CKLF: variants seen among roughly 807,000 people sequenced by gnomAD.
CKLF encodes chemokine-like factor.
Under a neutral mutation model 12.9 loss-of-function variants are expected in CKLF, and 16 were observed. The ratio of observed to expected loss-of-function variants is 1.24; its 90% CI spans 0.84 to 1.88. CKLF has a LOEUF of 1.88. CKLF is among the 40% of genes most tolerant of loss of function. The pLI, the probability that CKLF is intolerant of heterozygous loss-of-function variation, is 0.00. For synonymous variants in CKLF, 61 were observed against 69.0 expected (o/e 0.88, Z 0.57); for missense variants, 172 against 188.5 (o/e 0.91, Z 0.51).
chr16:66,563,357 A>G (rs1179860816), intron 3 of CKLF, 140 bp downstream of exon 3: 1 of 997,086 alleles, frequency 1.0e-6, no homozygotes, highest in Non-Finnish European at 1.4e-6. Flanking sequence ...TAGTGGCTTA[A>G]TATTTTTGTC....
intron 3 of CKLF, 194 bp from the exon 4 acceptor site, chr16:66,565,692 G>A (rs1038762537): frequency 1.7e-6 from 1 of 601,134 alleles, no homozygotes; most frequent in Non-Finnish European, 3.0e-6. Context: ...CTATAGGCAA[G>A]TATTTAGAAA....
At chr16:66,564,539 C>T (rs2012020777) in intron 3 of CKLF, among the ~76,000 whole-genome samples, 1 of 150,910 alleles carries the variant, frequency 6.6e-6, no homozygotes, top group South Asian at 2.1e-4. Context: ...GGTGCTATCT[C>T]AGCTCACTGC....
chr16:66,565,145 T>C (rs991982078), intron 3 of CKLF, among the ~76,000 whole-genome samples: 1 of 152,074 alleles, frequency 6.6e-6, no homozygotes, highest in African/African-American at 2.4e-5. Context: ...GGCTTGAGAC[T>C]CTGGGTGGAA....
At chr16:66,561,612 T>C (rs2011726136) in intron 2 of CKLF, among the ~76,000 whole-genome samples, 1 of 152,170 alleles carries the variant, frequency 6.6e-6, no homozygotes, top group South Asian at 2.1e-4. Flanking sequence ...TCTGTTGCCT[T>C]TTGAAGCAGA....
chr16:66,566,230 C>T (rs998526980), downstream of CKLF: 2 of 1,484,186 alleles, frequency 1.3e-6, no homozygotes, highest in Admixed American at 5.1e-5. The surrounding 1 kb of genome is among the most constrained non-coding windows in gnomAD (Gnocchi z 4.9). Context: ...AAGAATGTGC[C>T]GGGATCCGCC....
chr16:66,556,208 A>G (rs571960246), intron 1 of CKLF, among the ~76,000 whole-genome samples: 2 of 152,268 alleles, frequency 1.3e-5, no homozygotes, highest in East Asian at 1.9e-4. Flanking sequence ...CACGGGAGCC[A>G]AAAGAAAACA....
At chr16:66,557,457 C>G (rs1421200360) in intron 1 of CKLF, among the ~76,000 whole-genome samples, 2 of 152,072 alleles carry the variant, frequency 1.3e-5, no homozygotes, top group Non-Finnish European at 2.9e-5. Context: ...CATGAGCCAC[C>G]GCGCCCACCC....
chr16:66,561,700 CTAAGTA>C, intron 2 of CKLF, among the ~76,000 whole-genome samples: 1 of 152,222 alleles, frequency 6.6e-6, no homozygotes, highest in South Asian at 2.1e-4. Flanking sequence ...TTTTTTCTTC[CTAAGTA>C]TATCTGATCT....
chr16:66,563,277 G>A, intron 3 of CKLF, 60 bp downstream of exon 3: 1 of 1,581,026 alleles, frequency 6.3e-7, no homozygotes, highest in Non-Finnish European at 8.7e-7. Flanking sequence ...AATTTACTTG[G>A]AAAACAGATG....
At chr16:66,554,566 G>A (rs2011339623) in intron 1 of CKLF, among the ~76,000 whole-genome samples, 1 of 152,250 alleles carries the variant, frequency 6.6e-6, no homozygotes, top group Admixed American at 6.5e-5. Context: ...TTATTGGGAT[G>A]GGAGGGCAGG....
intron 2 of CKLF, among the ~76,000 whole-genome samples, chr16:66,562,911 G>A (rs564021853): frequency 1.1e-4 from 16 of 152,074 alleles, no homozygotes; most frequent in Admixed American, 9.2e-4. Flanking sequence ...TAGTAGAGAC[G>A]GGGTTTCACC....
chr16:66,565,991 GA>G lies in CKLF; in HGVS notation c.447del (p.Glu150LysfsTer?), dbSNP rs754415052. 2 of 1,610,546 alleles carry G rather than the reference GA, an allele frequency of 1.2e-6. No individual in the cohort carries two copies. Among genetic ancestry groups the G allele is most frequent in the Middle Eastern group, 1.7e-4 (1 of 6,032 alleles). On this transcript the variant is annotated frameshift_variant, in exon 4 of 4. Coordinates refer to ENST00000264001, the MANE Select transcript of CKLF (RefSeq NM_016951.4). LOFTEE classifies it low-confidence loss of function (END_TRUNC). Reference protein sequence around the residue: ...SGPYQKKPVHEKKEVL With the variant: ...SGPYQKKPVHXKKEVL ...TCCTTACCAGAAAAAGCCTGTGCAT[GA>G]AAAAAAAGAAGTTTTGTAATTTTAT...
At chr16:66,566,149 A>G (rs1273233034), downstream of CKLF, 16 of 1,595,692 alleles carry the variant, frequency 1.0e-5, no homozygotes, top group African/African-American at 2.0e-4. The surrounding 1 kb of genome is among the most constrained non-coding windows in gnomAD (Gnocchi z 4.9). Context: ...GCAGAGCACT[A>G]CTGTAACTTC....
intron 2 of CKLF, among the ~76,000 whole-genome samples, chr16:66,561,727 C>G (rs1045952071): frequency 6.6e-6 from 1 of 152,170 alleles, no homozygotes; most frequent in Non-Finnish European, 1.5e-5. Flanking sequence ...TGCCCTACCC[C>G]CATTGAACCT....
chr16:66,566,082 G>GTTAT (rs755977185), downstream of CKLF: 1 of 1,612,050 alleles, frequency 6.2e-7, no homozygotes, highest in Non-Finnish European at 8.5e-7. The surrounding 1 kb of genome is among the most constrained non-coding windows in gnomAD (Gnocchi z 4.9). Flanking sequence ...ATTTTCTGCA[G>GTTAT]TTATTTTAAC....
At chr16:66,558,448 C>T (rs2011535964) in intron 2 of CKLF, 100 bp downstream of exon 2, 1 of 1,469,682 alleles carries the variant, frequency 6.8e-7, no homozygotes, top group Non-Finnish European at 9.1e-7. Context: ...TTAAGGTAAT[C>T]TCTGTTAGGC....
At position 66,552,787 on chromosome 16, in the gene CKLF, G is replaced by A; in HGVS notation, c.72G>A (p.Leu24=). ...GTGTGAAAGGCCACGTGAAGATGCT[G>A]CGGCTGGTGAGGCCGGGCCGCGGAG... ...CFSVKGHVKM[L]RLALTVTSMT... Residue 24 remains leucine (L), a synonymous_variant, in exon 1 of 4, where the codon CTG becomes CTA. Coordinates refer to ENST00000264001, the MANE Select transcript of CKLF (RefSeq NM_016951.4). The A allele has an allele frequency of 1.2e-6, 2 of 1,614,070 alleles. No individual in the cohort carries two copies. Among genetic ancestry groups the A allele is most frequent in the Non-Finnish European group, 1.7e-6 (2 of 1,179,932 alleles).
chr16:66,563,882 A>G (rs2011932346), intron 3 of CKLF, among the ~76,000 whole-genome samples: 1 of 152,236 alleles, frequency 6.6e-6, no homozygotes, highest in Non-Finnish European at 1.5e-5. Context: ...TAGCTTTTCT[A>G]GGTTCTGACC....
In CKLF at chr16:66,552,761, A is replaced by T; in HGVS notation, c.46A>T (p.Ser16Cys). ...AATAAAACATCGCCCCTTCTGCTTC[A>T]GTGTGAAAGGCCACGTGAAGATGCT... ...PKIKHRPFCF[S>C]VKGHVKMLRL... The change falls in exon 1 of 4, where the codon AGT becomes TGT. Residue 16 changes from serine to cysteine, a missense_variant. Transcript: ENST00000264001. 2 of 1,614,122 alleles carry T rather than the reference A, an allele frequency of 1.2e-6. No individual in the cohort carries two copies. The highest frequency in any genetic ancestry group is 1.7e-6 in the Non-Finnish European group (2 of 1,179,984).
Sources: allele counts gnomAD v4.1 joint callset (sites outside exome capture counted in the v4.1 genomes callset), GRCh38; gene constraint gnomAD v4.1.1; non-coding constraint Gnocchi (gnomAD v3.1); transcripts MANE v1.5; gene names NCBI Gene and HGNC (gene_info 2026-07-23, HGNC 2026-07-21).